Variants in RFX2 observed in about 807,000 individuals in gnomAD.
RFX2 encodes regulatory factor X2, also known as DNA-binding protein RFX2.
RFX2 carries 20 observed loss-of-function variants against 87.8 expected under a neutral mutation model. The ratio of observed to expected loss-of-function variants is 0.23; its 90% CI spans 0.16 to 0.33. The LOEUF (loss-of-function observed/expected upper bound fraction) is 0.33, where lower values mean the gene tolerates loss of function less well. Among genes scored for constraint, RFX2 ranks in the 10% least tolerant of loss-of-function variants. RFX2 has a pLI of 1.00. For synonymous variants in RFX2, 397 were observed against 431.3 expected (o/e 0.92, Z 0.98); for missense variants, 767 against 1,012.3 (o/e 0.76, Z 3.29).
intron 1 of RFX2, among the ~76,000 whole-genome samples, chr19:6,107,326 A>C (rs1320287694): frequency 6.6e-6 from 1 of 151,412 alleles, no homozygotes; most frequent in Non-Finnish European, 1.5e-5. Flanking sequence ...AAAAATCCAC[A>C]GGTGCAGGGG....
At position 6,008,036 on chromosome 19, in the gene RFX2, G is replaced by T. The variant is rs542806850; in HGVS notation, c.1134+70C>A. ...CAGCTCCTCAGCGTCACCCGGGGAC[G>T]CCTGGCCTGAGCGCTGGCGGTTCCC... On this transcript the variant is annotated intron_variant, in intron 10 of 17. Transcript: ENST00000303657. 8.5e-6 allele frequency: 10 copies of T among 1,179,530 alleles called. No homozygotes were observed. In the African/African-American group the frequency reaches 1.1e-4, roughly 13 times the overall value. The allele number at this position is 1,179,530 out of a possible 1,614,324, so 73.1% of individuals were successfully genotyped here.
At chr19:5,995,098 C>T in intron 17 of RFX2, 148 bp from the exon 18 acceptor site, 1 of 652,410 alleles carries the variant, frequency 1.5e-6, no homozygotes, top group Non-Finnish European at 2.7e-6. Flanking sequence ...GGCCTCTGCT[C>T]CAGGCTGACC....
rs1164659595 is a variant in RFX2 at position 6,023,123 on chromosome 19, G to T, written c.597+3040C>A. 6.6e-6 allele frequency: 1 copy of T among 152,494 alleles called. No individual in the cohort carries two copies. The highest frequency in any genetic ancestry group is 1.5e-5 in the Non-Finnish European group (1 of 68,286). The allele number at this position is 152,494 out of a possible 1,614,324, so 9.4% of individuals were successfully genotyped here. On this transcript the variant is annotated intron_variant, in intron 6 of 17. Transcript: ENST00000303657. This position sits in a 1 kb window ranked among gnomAD's most constrained non-coding sequence, Gnocchi z 4.9. ...GGCCAGAACCCTGCACACGGTAGAC[G>T]GTGGTCTGACGTCACCAGCTGGCAG...
intron 1 of RFX2, among the ~76,000 whole-genome samples, chr19:6,098,528 T>C (rs1273777413): frequency 6.6e-6 from 1 of 152,208 alleles, no homozygotes; most frequent in Admixed American, 6.5e-5. Flanking sequence ...GGACCACCAA[T>C]ACTACCATTT....
rs2087646985 is a variant in RFX2, at chr19:6,074,014, C to T, written c.-8-26510G>A. Among the ~76,000 whole-genome samples, 1 of 152,188 alleles carries T rather than the reference C, an allele frequency of 6.6e-6. No homozygotes were observed. The highest frequency in any genetic ancestry group is 2.1e-4 in the South Asian group (1 of 4,826). ...GGACCACAGGGCGACTTCTAGGCAG[C>T]CCCCAGACAGGCCGGCCCTGGGTAG... On this transcript the variant is annotated intron_variant, in intron 1 of 17. Coordinates refer to ENST00000303657, the MANE Select transcript of RFX2 (RefSeq NM_000635.4). This position sits in a 1 kb window ranked among gnomAD's most constrained non-coding sequence, Gnocchi z 5.2.
In RFX2 at chr19:6,011,349, G is replaced by A. The variant is rs1402150861; in HGVS notation, c.900-1098C>T. Among the ~76,000 whole-genome samples, 3 of 152,114 alleles carry A rather than the reference G, an allele frequency of 2.0e-5. No individual in the cohort carries two copies. Among genetic ancestry groups the A allele is most frequent in the African/African-American group, 7.2e-5 (3 of 41,414 alleles). On this transcript the variant is annotated intron_variant, in intron 8 of 17. Transcript: ENST00000303657. The surrounding 1 kb of genome is among the most constrained non-coding windows in gnomAD (Gnocchi z 4.8). ...TGTGTGGTGTGGTGGGGGCAGGGAG[G>A]GAGCCGGCTTGAGCTGGAGCATCTC...
chr19:6,061,348 T>C lies in RFX2; in HGVS notation c.-8-13844A>G, dbSNP rs2087427087. On this transcript the variant is annotated intron_variant, in intron 1 of 17. Coordinates refer to ENST00000303657, the MANE Select transcript of RFX2 (RefSeq NM_000635.4). The surrounding 1 kb of genome is among the most constrained non-coding windows in gnomAD (Gnocchi z 5.2). ...CCAAGAATTTTCACCGCATAGACAG[T>C]GTGTGTGCTAAATCAAGGGATTAAC... Among the ~76,000 whole-genome samples, 1 of 152,026 alleles carries C rather than the reference T, an allele frequency of 6.6e-6. No homozygotes were observed. The highest frequency in any genetic ancestry group is 2.4e-5 in the African/African-American group (1 of 41,320).
In RFX2 at chr19:6,021,987, T is replaced by A. The variant is rs545699521; in HGVS notation, c.597+4176A>T. 2.0e-5 allele frequency among the ~76,000 whole-genome samples: 3 copies of A among 151,928 alleles called. No homozygotes were observed. The South Asian group carries it at 6.3e-4, about 32-fold the overall frequency. ...GTGGGGGGTGCCACCTGGTTCTGGA[T>A]CTTTCTTGAAGGTGAGGTTGAAGAG... is the stretch of plus-strand genomic sequence containing the variant. On this transcript the variant is annotated intron_variant, in intron 6 of 17. Coordinates refer to ENST00000303657, the MANE Select transcript of RFX2 (RefSeq NM_000635.4). This position sits in a 1 kb window ranked among gnomAD's most constrained non-coding sequence, Gnocchi z 5.7.
chr19:6,102,501 A>G (rs1005003306), intron 1 of RFX2, among the ~76,000 whole-genome samples: 1 of 152,144 alleles, frequency 6.6e-6, no homozygotes, highest in Non-Finnish European at 1.5e-5. Context: ...GCTGATGTGA[A>G]CTCTACCAAT....
At chr19:6,094,517 T>C (rs2087993220) in intron 1 of RFX2, among the ~76,000 whole-genome samples, 2 of 152,178 alleles carry the variant, frequency 1.3e-5, no homozygotes, top group Non-Finnish European at 2.9e-5. Flanking sequence ...CTATGAAGTA[T>C]CTGCACGCCA....
At position 6,020,593 on chromosome 19, in the gene RFX2, G is replaced by C. The variant is rs962877166; in HGVS notation, c.598-4322C>G. On this transcript the variant is annotated intron_variant, in intron 6 of 17. Transcript: ENST00000303657. This position sits in a 1 kb window ranked among gnomAD's most constrained non-coding sequence, Gnocchi z 5.3. ...CTCGGTGCTGGAGCCCACACCTGGC[G>C]GCACGTCAGACTGCGGCAAGCATCA... Among the ~76,000 whole-genome samples the C allele has an allele frequency of 6.6e-6, 1 of 152,196 alleles. No individual in the cohort carries two copies. The highest frequency in any genetic ancestry group is 2.4e-5 in the African/African-American group (1 of 41,452).
rs1324784586 is a variant in RFX2 at position 6,016,042 on chromosome 19, T to C, written c.779+48A>G. 3 of 1,515,678 alleles carry C rather than the reference T, an allele frequency of 2.0e-6. No homozygotes were observed. The allele number at this position is 1,515,678 out of a possible 1,614,324, so 93.9% of individuals were successfully genotyped here. ...CGCATTTTCCCAAAAGCTCCATTTC[T>C]TGGGAAAGGAAGAGGAAGAACAGGT... On this transcript the variant is annotated intron_variant, in intron 7 of 17. Coordinates refer to ENST00000303657, the MANE Select transcript of RFX2 (RefSeq NM_000635.4). This position sits in a 1 kb window ranked among gnomAD's most constrained non-coding sequence, Gnocchi z 5.4.
In RFX2 at chr19:6,109,039, C is replaced by A. The variant is rs368821020; in HGVS notation, c.-9+1354G>T. 2.0e-5 allele frequency among the ~76,000 whole-genome samples: 3 copies of A among 151,636 alleles called. No individual in the cohort carries two copies. In the East Asian group the frequency reaches 5.8e-4, roughly 29 times the overall value. On this transcript the variant is annotated intron_variant, in intron 1 of 17. Transcript: ENST00000303657. ...GTGTGTGTGTGTGAGTGTGTGTGTG[C>A]GCCCGCGAGCGCGCTGGTGGGCGGT...
intron 1 of RFX2, among the ~76,000 whole-genome samples, chr19:6,103,584 A>G (rs1478129620): frequency 6.6e-6 from 1 of 152,186 alleles, no homozygotes; most frequent in East Asian, 1.9e-4. Flanking sequence ...TCATCTGTAG[A>G]GCTGGCCACT....
In RFX2 at chr19:6,011,442, G is replaced by A. The variant is rs1417536700; in HGVS notation, c.900-1191C>T. On this transcript the variant is annotated intron_variant, in intron 8 of 17. Transcript: ENST00000303657. The surrounding 1 kb of genome is among the most constrained non-coding windows in gnomAD (Gnocchi z 4.8). ...CAGGGAGGCGGGAGACCATGCTGGC[G>A]AGGTGTGTGTAAACCACCTGGCTCA... 2.0e-5 allele frequency among the ~76,000 whole-genome samples: 3 copies of A among 152,194 alleles called. No individual in the cohort carries two copies. Among genetic ancestry groups the A allele is most frequent in the Non-Finnish European group, 4.4e-5 (3 of 68,030 alleles).
chr19:6,005,392 T>G (rs1284800999), intron 12 of RFX2, among the ~76,000 whole-genome samples: 1 of 152,212 alleles, frequency 6.6e-6, no homozygotes, highest in African/African-American at 2.4e-5. Flanking sequence ...GTGGATGGAC[T>G]GCGGGGCATG....
chr19:6,002,872 T>TGTGG lies in RFX2; in HGVS notation c.1501-3_1501-2insCCAC, dbSNP rs1174974557. On this transcript the variant is annotated splice_polypyrimidine_tract_variant and splice_region_variant and intron_variant, in intron 13 of 17. Transcript: ENST00000303657. This position sits in a 1 kb window ranked among gnomAD's most constrained non-coding sequence, Gnocchi z 6.7. ...GGCGAAGGCACTGACGACGCCCACCTGTAAGCCAGGGCTCGTGGTGAGCAG... is the reference window on the plus strand; with the variant it reads ...GGCGAAGGCACTGACGACGCCCACCTGTGGGTAAGCCAGGGCTCGTGGTGAGCAG... 2 of 1,604,032 alleles carry TGTGG rather than the reference T, an allele frequency of 1.2e-6. No homozygotes were observed. Among genetic ancestry groups the TGTGG allele is most frequent in the Non-Finnish European group, 1.7e-6 (2 of 1,177,484 alleles).
chr19:6,067,421 C>A (rs1337067035), intron 1 of RFX2, among the ~76,000 whole-genome samples: 1 of 152,202 alleles, frequency 6.6e-6, no homozygotes, highest in Non-Finnish European at 1.5e-5. Flanking sequence ...ACTGCGCCGG[C>A]TCTTCCCTCC....
intron 1 of RFX2, among the ~76,000 whole-genome samples, chr19:6,108,645 C>A (rs754155905): frequency 2.0e-5 from 3 of 152,172 alleles, no homozygotes; most frequent in Admixed American, 2.0e-4. Context: ...TGATACAAAG[C>A]AGGAAAATAA....
Sources: allele counts gnomAD v4.1 joint callset (sites outside exome capture counted in the v4.1 genomes callset), GRCh38; gene constraint gnomAD v4.1.1; non-coding constraint Gnocchi (gnomAD v3.1); transcripts MANE v1.5; gene names NCBI Gene and HGNC (gene_info 2026-07-23, HGNC 2026-07-21).